FOXN3: variants seen among roughly 807,000 people sequenced by gnomAD.
The protein encoded by FOXN3 is forkhead box protein N3.
FOXN3 carries 7 observed loss-of-function variants against 38.4 expected under a neutral mutation model. The ratio of observed to expected loss-of-function variants is 0.18; its 90% CI spans 0.10 to 0.34. The LOEUF is 0.34. FOXN3 is among the 10% of genes least tolerant of loss of function. The pLI is 1.00. For synonymous variants in FOXN3, 230 were observed against 242.2 expected (o/e 0.95, Z 0.47); for missense variants, 456 against 613.4 (o/e 0.74, Z 2.71).
intron 1 of FOXN3, among the ~76,000 whole-genome samples, chr14:89,428,001 T>C (rs1324014211): frequency 3.3e-5 from 5 of 152,350 alleles, no homozygotes; most frequent in Admixed American, 2.0e-4. Flanking sequence ...CCAAGTACCA[T>C]AGTCTCATGG....
At chr14:89,452,456 T>C (rs1813924109) in intron 1 of FOXN3, among the ~76,000 whole-genome samples, 1 of 152,186 alleles carries the variant, frequency 6.6e-6, no homozygotes, top group African/African-American at 2.4e-5. Flanking sequence ...GCTGCACTAA[T>C]GTGGACACAG....
intron 1 of FOXN3, among the ~76,000 whole-genome samples, chr14:89,595,846 A>C (rs897483240): frequency 1.3e-5 from 2 of 152,156 alleles, no homozygotes; most frequent in African/African-American, 4.8e-5. Context: ...TATTTTTTGT[A>C]TATATGCTTC....
intron 4 of FOXN3, among the ~76,000 whole-genome samples, chr14:89,201,905 C>T (rs969138061): frequency 2.6e-5 from 4 of 152,170 alleles, no homozygotes; most frequent in African/African-American, 9.7e-5. Flanking sequence ...GTGGCTTGGC[C>T]CCAGCAGGCA....
intron 2 of FOXN3, among the ~76,000 whole-genome samples, chr14:89,390,760 ATG>A (rs1263384358): frequency 3.3e-5 from 5 of 152,160 alleles, no homozygotes; most frequent in Non-Finnish European, 7.4e-5. Flanking sequence ...TCCCCTGCAG[ATG>A]CTGTAAGAGG....
At chr14:89,285,923 G>A (rs12881879) in intron 3 of FOXN3, among the ~76,000 whole-genome samples, 33,975 of 148,372 alleles carry the variant, frequency 0.23, 4,392 homozygotes, top group South Asian at 0.35. Flanking sequence ...CTGGAGTGTC[G>A]TGGCACAATC....
intron 5 of FOXN3, among the ~76,000 whole-genome samples, chr14:89,167,357 T>C (rs1223544194): frequency 6.6e-6 from 1 of 152,240 alleles, no homozygotes; most frequent in Non-Finnish European, 1.5e-5. Context: ...AATGAGCATG[T>C]GTCATCTCTG....
intron 1 of FOXN3, among the ~76,000 whole-genome samples, chr14:89,571,510 C>CAAA (rs771337347): frequency 5.6e-5 from 4 of 71,514 alleles, no homozygotes; most frequent in African/African-American, 1.8e-4. Context: ...CTCTGTCTCA[C>CAAA]AAAAAAAAAA....
intron 3 of FOXN3, among the ~76,000 whole-genome samples, chr14:89,309,900 A>G (rs1390593530): frequency 6.6e-6 from 1 of 152,238 alleles, no homozygotes; most frequent in African/African-American, 2.4e-5. Flanking sequence ...CGCTGCCTTA[A>G]GTCACCAAGA....
chr14:89,319,648 C>A (rs530223227), intron 3 of FOXN3, among the ~76,000 whole-genome samples: 1 of 152,152 alleles, frequency 6.6e-6, no homozygotes, highest in South Asian at 2.1e-4. Context: ...AGACACCAAC[C>A]AAGGGCTAAC....
chr14:89,396,763 C>T (rs982487115), intron 2 of FOXN3, among the ~76,000 whole-genome samples: 5 of 144,466 alleles, frequency 3.5e-5, no homozygotes, highest in African/African-American at 7.8e-5. Flanking sequence ...AACCAGAAGG[C>T]GGAGGTTGCA....
intron 1 of FOXN3, among the ~76,000 whole-genome samples, chr14:89,479,514 T>TG (rs1203854056): frequency 2.0e-5 from 3 of 152,170 alleles, no homozygotes; most frequent in Non-Finnish European, 2.9e-5. Flanking sequence ...TAGTCGGTGG[T>TG]GGCGGTGTGA....
chr14:89,474,206 T>C (rs1002812985), intron 1 of FOXN3, among the ~76,000 whole-genome samples: 2 of 152,208 alleles, frequency 1.3e-5, no homozygotes, highest in Non-Finnish European at 2.9e-5. Context: ...AAAATAACTA[T>C]ACCATGATCT....
intron 3 of FOXN3, among the ~76,000 whole-genome samples, chr14:89,283,814 T>C (rs1250823075): frequency 6.6e-6 from 1 of 152,198 alleles, no homozygotes; most frequent in Non-Finnish European, 1.5e-5. Context: ...CCCTTTTCCA[T>C]GGAATCCTCT....
intron 4 of FOXN3, among the ~76,000 whole-genome samples, chr14:89,215,173 G>A (rs1884231223): frequency 6.7e-6 from 1 of 148,858 alleles, no homozygotes; most frequent in Non-Finnish European, 1.5e-5. Context: ...ATACAGTTTA[G>A]AGATTCTATT....
At chr14:89,314,316 C>T (rs778064471) in intron 3 of FOXN3, among the ~76,000 whole-genome samples, 2 of 152,030 alleles carry the variant, frequency 1.3e-5, no homozygotes, top group Non-Finnish European at 2.9e-5. Flanking sequence ...CACTACAAAA[C>T]GATAAATATT....
At chr14:89,342,765 AT>A (rs977962729) in intron 3 of FOXN3, among the ~76,000 whole-genome samples, 3 of 152,212 alleles carry the variant, frequency 2.0e-5, no homozygotes, top group Non-Finnish European at 2.9e-5. Context: ...TAAATTTAAT[AT>A]TCTTTCAAAA....
At chr14:89,493,624 C>T (rs1025073363) in intron 1 of FOXN3, among the ~76,000 whole-genome samples, 1 of 152,148 alleles carries the variant, frequency 6.6e-6, no homozygotes, top group Non-Finnish European at 1.5e-5. Context: ...TTTACATAAG[C>T]TTTCAGAAAA....
At chr14:89,576,694 GGA>G (rs1895630176) in intron 1 of FOXN3, 1 of 152,084 alleles carries the variant, frequency 6.6e-6, no homozygotes, top group East Asian at 1.9e-4. Context: ...TATAGAATTC[GGA>G]TCAGATGTCT....
At chr14:89,424,210 A>G (rs1891975739) in intron 1 of FOXN3, among the ~76,000 whole-genome samples, 1 of 152,240 alleles carries the variant, frequency 6.6e-6, no homozygotes, top group South Asian at 2.1e-4. Context: ...ATTTTCCAGT[A>G]GTTTTAAGTG....
Sources: allele counts gnomAD v4.1 joint callset (sites outside exome capture counted in the v4.1 genomes callset), GRCh38; gene constraint gnomAD v4.1.1; transcripts MANE v1.5; gene names NCBI Gene and HGNC (gene_info 2026-07-23, HGNC 2026-07-21).